Variants in SORCS1 observed in about 807,000 individuals in gnomAD.
SORCS1 encodes the protein VPS10 domain-containing receptor SorCS1.
A neutral mutation model predicts 146.1 loss-of-function variants in SORCS1; 60 were observed. The observed-to-expected ratio is 0.41, with a 90% CI of 0.33 to 0.51. The LOEUF (loss-of-function observed/expected upper bound fraction) is 0.51. Ranked by LOEUF, SORCS1 falls within the 20% of genes least tolerant of loss-of-function variation. SORCS1 has a pLI of 0.21. For missense variants in SORCS1, 1,352 were observed against 1,487.6 expected (o/e 0.91, Z 1.50); for synonymous variants, 637 against 584.0 (o/e 1.09, Z -1.31).
rs981591651 is a variant in SORCS1, at chr10:106,806,504, C to G, written c.726+23070G>C. On this transcript the variant is annotated intron_variant, in intron 3 of 25. Coordinates refer to ENST00000263054, the MANE Select transcript of SORCS1 (RefSeq NM_052918.5). ...ACAGCCCTTCTGATGAGAGAGGAAG[C>G]CTTTTTTTTTTTTTTTTTTTTTTTT... Among the ~76,000 whole-genome samples the G allele has an allele frequency of 1.0e-3, 96 of 92,896 alleles. 12 individuals carry two copies. The highest frequency in any genetic ancestry group is 4.0e-3 in the African/African-American group (88 of 21,796). 60.9% of individuals were successfully genotyped at this position (92,896 alleles called of 152,430 possible). A position where few individuals can be genotyped will look rare whatever the true frequency, so the allele number is the denominator to read the frequency against.
At chr10:106,709,379 G>A in intron 6 of SORCS1, 38 bp from the exon 7 acceptor site, 1 of 1,328,314 alleles carries the variant, frequency 7.5e-7, no homozygotes. Flanking sequence ...ATGGGGTTGA[G>A]GGGGATATAC....
At chr10:106,693,182 A>G (rs532636449) in intron 9 of SORCS1, among the ~76,000 whole-genome samples, 20 of 152,336 alleles carry the variant, frequency 1.3e-4, no homozygotes, top group South Asian at 8.3e-4. Flanking sequence ...GGTCCCAAGC[A>G]TTTCAGATAA....
intron 1 of SORCS1, among the ~76,000 whole-genome samples, chr10:107,154,248 C>A (rs1453555692): frequency 6.6e-6 from 1 of 151,968 alleles, no homozygotes; most frequent in African/African-American, 2.4e-5. Context: ...AGTGATCTGC[C>A]CGCCTCAGCC....
intron 18 of SORCS1, among the ~76,000 whole-genome samples, chr10:106,645,748 AC>A (rs1411787428): frequency 6.6e-6 from 1 of 152,172 alleles, no homozygotes; most frequent in Middle Eastern, 3.4e-3. Context: ...ATAATAAAAA[AC>A]ATAACAAAAT....
intron 16 of SORCS1, 133 bp from the exon 17 acceptor site, chr10:106,667,935 AAC>A (rs113234361): frequency 1.8e-4 from 110 of 617,314 alleles, no homozygotes; most frequent in Non-Finnish European, 2.1e-4. Flanking sequence ...AAAAAAAAAA[AAC>A]ACAAGCATTC....
chr10:106,819,010 T>C (rs935676990), intron 3 of SORCS1, among the ~76,000 whole-genome samples: 2 of 152,240 alleles, frequency 1.3e-5, no homozygotes, highest in Non-Finnish European at 2.9e-5. Context: ...CTTATATTTC[T>C]ATTTCCCAGT....
In SORCS1 at chr10:107,137,736, C is replaced by A. The variant is rs572749876; in HGVS notation, c.558+26233G>T. Among the ~76,000 whole-genome samples, 71 of 152,208 alleles carry A rather than the reference C, an allele frequency of 4.7e-4. 1 individual carries two copies. Among genetic ancestry groups the A allele is most frequent in the Middle Eastern group, 3.4e-3 (1 of 292 alleles). On this transcript the variant is annotated intron_variant, in intron 1 of 25. Coordinates refer to ENST00000263054, the MANE Select transcript of SORCS1 (RefSeq NM_052918.5). Reference sequence around the variant, plus strand: ...AATTAGCTGGGCCTGGTGGCACATGCCTGTAATCCCAGCTACTTGGGAGGC... The same window carrying A: ...AATTAGCTGGGCCTGGTGGCACATGACTGTAATCCCAGCTACTTGGGAGGC...
At chr10:107,064,428 G>A (rs1358516942) in intron 1 of SORCS1, among the ~76,000 whole-genome samples, 1 of 152,166 alleles carries the variant, frequency 6.6e-6, no homozygotes, top group Non-Finnish European at 1.5e-5. Context: ...ATCCACTCTA[G>A]CTCACAGTTC....
At chr10:106,908,869 C>T (rs910402747) in intron 2 of SORCS1, among the ~76,000 whole-genome samples, 1 of 152,224 alleles carries the variant, frequency 6.6e-6, no homozygotes, top group Non-Finnish European at 1.5e-5. Context: ...CTGCCCTAGG[C>T]ATCTTCAGCC....
At chr10:106,791,385 G>A (rs944155405) in intron 3 of SORCS1, among the ~76,000 whole-genome samples, 16 of 152,098 alleles carry the variant, frequency 1.1e-4, no homozygotes, top group African/African-American at 3.1e-4. Flanking sequence ...TTTCCTAGTA[G>A]TGAAATTTAT....
intron 2 of SORCS1, among the ~76,000 whole-genome samples, chr10:106,869,342 G>A (rs556581519): frequency 5.9e-5 from 9 of 152,132 alleles, no homozygotes; most frequent in Non-Finnish European, 1.0e-4. Flanking sequence ...CTCATTCCAT[G>A]AGACTAACAT....
At chr10:107,021,697 C>T (rs913828999) in intron 1 of SORCS1, among the ~76,000 whole-genome samples, 4 of 151,980 alleles carry the variant, frequency 2.6e-5, no homozygotes, top group African/African-American at 9.7e-5. Flanking sequence ...TCTATCATTT[C>T]AAACTGTTAT....
chr10:107,130,885 T>C (rs1277834827), intron 1 of SORCS1, among the ~76,000 whole-genome samples: 1 of 152,142 alleles, frequency 6.6e-6, no homozygotes, highest in African/African-American at 2.4e-5. Flanking sequence ...ACCATCTATT[T>C]CCAGAATGTT....
intron 1 of SORCS1, among the ~76,000 whole-genome samples, chr10:107,106,163 A>G (rs761940649): frequency 6.6e-6 from 1 of 152,214 alleles, no homozygotes; most frequent in Non-Finnish European, 1.5e-5. Context: ...AATTCTGAAT[A>G]CTAGGTACAT....
At position 107,164,592 on chromosome 10, in the gene SORCS1, G is replaced by A. The variant is rs370212549; in HGVS notation, c.-66C>T. 1,091 of 1,256,850 alleles carry A rather than the reference G, an allele frequency of 8.7e-4. 13 individuals are homozygous for A. In the East Asian group the frequency reaches 0.029, roughly 34 times the overall value. 77.9% of individuals were successfully genotyped at this position (1,256,850 alleles called of 1,614,324 possible). Reference sequence around the variant, plus strand: ...AAGGTGGCGGCACGAGCTCTGCGCTGGCGGCTGTGGGGGGCCGGCGCTCAG... The same window carrying A: ...AAGGTGGCGGCACGAGCTCTGCGCTAGCGGCTGTGGGGGGCCGGCGCTCAG... On this transcript the variant is annotated 5_prime_UTR_variant, in exon 1 of 26. Transcript: ENST00000263054. The surrounding 1 kb of genome is among the most constrained non-coding windows in gnomAD (Gnocchi z 6.8).
chr10:106,608,159 A>G (rs1846736954), intron 22 of SORCS1, among the ~76,000 whole-genome samples: 1 of 152,222 alleles, frequency 6.6e-6, no homozygotes, highest in African/African-American at 2.4e-5. Flanking sequence ...AATGCTTGCA[A>G]GAATTCCCAA....
chr10:107,174,861 C>T, the SORCS1 span, among the ~76,000 whole-genome samples: 2 of 152,108 alleles, frequency 1.3e-5, no homozygotes, highest in Non-Finnish European at 2.9e-5. Context: ...GGCTCAAGAG[C>T]AGGGGGAAAG....
chr10:107,138,280 TACTGGCTCCCC>T (rs1242605503), intron 1 of SORCS1, among the ~76,000 whole-genome samples: 4 of 152,256 alleles, frequency 2.6e-5, no homozygotes, highest in Non-Finnish European at 5.9e-5. Context: ...TTAAAATATT[TACTGGCTCCCC>T]ACCTGTACAT....
intron 1 of SORCS1, among the ~76,000 whole-genome samples, chr10:107,113,535 C>T (rs2134472051): frequency 6.6e-6 from 1 of 151,696 alleles, no homozygotes; most frequent in African/African-American, 2.4e-5. Context: ...ACTAAAAATA[C>T]AAAAATTAGC....
Sources: gnomAD v4.1 joint callset for allele counts (sites outside exome capture counted in the v4.1 genomes callset) on GRCh38, gnomAD v4.1.1 for gene constraint, Gnocchi (gnomAD v3.1) non-coding constraint, MANE v1.5 for transcripts, NCBI Gene and HGNC (gene_info 2026-07-23, HGNC 2026-07-21) for gene names.